SLC66A2: variants seen among roughly 807,000 people sequenced by gnomAD.
The protein encoded by SLC66A2 is solute carrier family 66 member 2, also known as PQ loop repeat containing 1.
In SLC66A2, 23 loss-of-function variants were observed where a neutral mutation model predicts 25.5. The observed-to-expected ratio is 0.90, with a 90% CI of 0.65 to 1.28. The LOEUF is 1.28. Among genes scored for constraint, SLC66A2 ranks in the 50% most tolerant of loss-of-function variants. The pLI is 0.00. For missense variants in SLC66A2, 396 were observed against 373.1 expected (o/e 1.06, Z -0.51); for synonymous variants, 193 against 166.5 (o/e 1.16, Z -1.23).
At chr18:79,924,071 C>CA (rs1568314370) in intron 4 of SLC66A2, among the ~76,000 whole-genome samples, 1 of 151,410 alleles carries the variant, frequency 6.6e-6, no homozygotes, top group Non-Finnish European at 1.5e-5. Context: ...CGAGCTTAAC[C>CA]GTACACGCCA....
intron 5 of SLC66A2, 59 bp downstream of exon 5, chr18:79,919,125 C>T (rs1254363653): frequency 7.5e-6 from 11 of 1,457,014 alleles, no homozygotes; most frequent in East Asian, 2.3e-5. Flanking sequence ...TTTACCAAAT[C>T]TGCAGCCATG....
At position 79,919,285 on chromosome 18, in the gene SLC66A2, C is replaced by T. The variant is rs1170148894; in HGVS notation, c.507G>A (p.Leu169=). 2 of 1,613,244 alleles carry T rather than the reference C, an allele frequency of 1.2e-6. No individual in the cohort carries two copies. The highest frequency in any genetic ancestry group is 2.7e-5 in the African/African-American group (2 of 74,952). The change falls in exon 5 of 6, where the codon CTG becomes CTA. Residue 169 remains leucine (L), a synonymous_variant. Coordinates refer to ENST00000397778, the MANE Select transcript of SLC66A2 (RefSeq NM_025078.5). ...YITYLSIDSA[L]FVETLGFLAV... ...CCAGGAAGCCCAGGGTCTCCACAAA[C>T]AGGGCGGAGTCAATGGACAGGTAGG...
intron 3 of SLC66A2, among the ~76,000 whole-genome samples, chr18:79,934,797 T>C (rs921630123): frequency 1.3e-5 from 2 of 152,088 alleles, no homozygotes; most frequent in African/African-American, 4.8e-5. Context: ...GGATCAAAGG[T>C]TGTGTTTGCC....
At position 79,951,638 on chromosome 18, in the gene SLC66A2, G is replaced by T. The variant is rs962445760; in HGVS notation, c.-157C>A. 1 of 151,630 alleles carries T rather than the reference G, an allele frequency of 6.6e-6. No individual in the cohort carries two copies. The highest frequency in any genetic ancestry group is 2.4e-5 in the African/African-American group (1 of 41,300). The allele number at this position is 151,630 out of a possible 1,614,324, so 9.4% of individuals were successfully genotyped here. ...GTCCCCGCGCCGCTGACCCGCGCGC[G>T]TCTCGGCGTCAGTCCGCTCAGGCGC... On this transcript the variant is annotated 5_prime_UTR_variant, in exon 1 of 6. Transcript: ENST00000397778.
In SLC66A2 at chr18:79,943,347, T is replaced by G; in HGVS notation, c.319A>C (p.Arg107=). ...CACCAACCTGTAAAGGAGCGGCGCCTGGCGTTGAGCTCGTTGGCCACACGG... is the reference window on the plus strand; with the variant it reads ...CACCAACCTGTAAAGGAGCGGCGCCGGGCGTTGAGCTCGTTGGCCACACGG... ...EVRVANELNA[R]RRSFTAADSK... Residue 107 remains arginine (R), a synonymous_variant, in exon 3 of 6, where the codon AGG becomes CGG. Transcript: ENST00000397778. The G allele has an allele frequency of 6.2e-7, 1 of 1,613,984 alleles. No individual in the cohort carries two copies. Among genetic ancestry groups the G allele is most frequent in the Non-Finnish European group, 8.5e-7 (1 of 1,179,932 alleles).
intron 4 of SLC66A2, among the ~76,000 whole-genome samples, chr18:79,926,534 C>T (rs1167016045): frequency 2.6e-5 from 4 of 152,190 alleles, no homozygotes; most frequent in South Asian, 2.1e-4. Context: ...GATGGGCGCT[C>T]GCAGGACGTG....
In SLC66A2 at chr18:79,927,107, G is replaced by A. The variant is rs564149793; in HGVS notation, c.391+6862C>T. On this transcript the variant is annotated intron_variant, in intron 4 of 5. Transcript: ENST00000397778. This position sits in a 1 kb window ranked among gnomAD's most constrained non-coding sequence, Gnocchi z 6.2. The stretch of plus-strand genomic sequence containing the variant: ...GACCTCCTGCAAGCTGCCCTTCAGG[G>A]CAGGTCCCAGCCCTACCTGCTGCGT... Among the ~76,000 whole-genome samples, 1 of 152,346 alleles carries A rather than the reference G, an allele frequency of 6.6e-6. No homozygotes were observed. Among genetic ancestry groups the A allele is most frequent in the East Asian group, 1.9e-4 (1 of 5,190 alleles).
chr18:79,908,757 A>G (rs1172935821), intron 5 of SLC66A2, among the ~76,000 whole-genome samples: 3 of 152,078 alleles, frequency 2.0e-5, no homozygotes, highest in Non-Finnish European at 2.9e-5. Context: ...CAACTTCACT[A>G]TTTCCTCTCA....
chr18:79,945,115 G>C (rs1051156616), intron 2 of SLC66A2: 2 of 152,574 alleles, frequency 1.3e-5, no homozygotes, highest in African/African-American at 4.8e-5. Context: ...CAGGTAAGAA[G>C]GTTCCACTTG....
At chr18:79,922,388 G>A (rs1370175905) in intron 4 of SLC66A2, among the ~76,000 whole-genome samples, 1 of 152,102 alleles carries the variant, frequency 6.6e-6, no homozygotes, top group African/African-American at 2.4e-5. Flanking sequence ...TGGGTTAGGG[G>A]CGCAGCCCCC....
chr18:79,943,662 C>T lies in SLC66A2; in HGVS notation c.204-200G>A, dbSNP rs1987913248. 3 of 565,242 alleles carry T rather than the reference C, an allele frequency of 5.3e-6. No homozygotes were observed. In the East Asian group the frequency reaches 9.8e-5, roughly 18 times the overall value. 35.0% of individuals were successfully genotyped at this position (565,242 alleles called of 1,614,324 possible). A position where few individuals can be genotyped will look rare whatever the true frequency, so the allele number is the denominator to read the frequency against. On this transcript the variant is annotated intron_variant, in intron 2 of 5. Transcript: ENST00000397778. ...AGTCCCGAACCTGCAGCGGGAGACACCTGGGTCAGGAGGGAGGCCCACCCA... is the reference window on the plus strand; with the variant it reads ...AGTCCCGAACCTGCAGCGGGAGACATCTGGGTCAGGAGGGAGGCCCACCCA...
At chr18:79,905,677 C>T (rs963349807) in intron 5 of SLC66A2, among the ~76,000 whole-genome samples, 1 of 152,260 alleles carries the variant, frequency 6.6e-6, no homozygotes, top group African/African-American at 2.4e-5. Context: ...AAACAGAGCT[C>T]GCCTGACCCT....
Position 79,940,445 on chromosome 18 carries a change from A to C in SLC66A2, c.337+2884T>G, listed in dbSNP as rs1987558989. On this transcript the variant is annotated intron_variant, in intron 3 of 5. Coordinates refer to ENST00000397778, the MANE Select transcript of SLC66A2 (RefSeq NM_025078.5). This position sits in a 1 kb window ranked among gnomAD's most constrained non-coding sequence, Gnocchi z 4.1. ...TGTACACTAAACCCCCGTGACAAACAATTTACCTATATAACAAACCTGCAC... is the reference window on the plus strand; with the variant it reads ...TGTACACTAAACCCCCGTGACAAACCATTTACCTATATAACAAACCTGCAC... 6.6e-6 allele frequency among the ~76,000 whole-genome samples: 1 copy of C among 152,070 alleles called. No homozygotes were observed.
chr18:79,922,946 T>C (rs2144807572), intron 4 of SLC66A2, among the ~76,000 whole-genome samples: 1 of 150,258 alleles, frequency 6.7e-6, no homozygotes, highest in South Asian at 2.1e-4. Flanking sequence ...AGGGCAGGGG[T>C]GGCCAGGCTG....
chr18:79,924,682 C>T (rs898376080), intron 4 of SLC66A2, among the ~76,000 whole-genome samples: 1 of 152,134 alleles, frequency 6.6e-6, no homozygotes, highest in Non-Finnish European at 1.5e-5. Context: ...TGTGACTTGT[C>T]TTATACCAAA....
Position 79,920,295 on chromosome 18 carries a change from A to G in SLC66A2, c.392-895T>C, listed in dbSNP as rs77840882. On this transcript the variant is annotated intron_variant, in intron 4 of 5. Transcript: ENST00000397778. Reference sequence around the variant, plus strand: ...GAGACAGGAACCGAGGGAGAGGTCAAGGTCAGTGGGGAGAGACAGGAACCG... The same window carrying G: ...GAGACAGGAACCGAGGGAGAGGTCAGGGTCAGTGGGGAGAGACAGGAACCG... 4.7e-4 allele frequency among the ~76,000 whole-genome samples: 4 copies of G among 8,464 alleles called. 1 individual carries two copies. Among genetic ancestry groups the G allele is most frequent in the East Asian group, 0.023 (2 of 86 alleles). 5.6% of individuals were successfully genotyped at this position (8,464 alleles called of 152,430 possible).
rs13838 is a variant in SLC66A2, at chr18:79,903,409, C to T, written c.*567G>A. ...AGGAAACACCGACTGTCAGAAAACC[C>T]GGAGCACGGTGACCCTGCGTCCGCA... is the stretch of plus-strand genomic sequence containing the variant. On this transcript the variant is annotated 3_prime_UTR_variant, in exon 6 of 6. Coordinates refer to ENST00000397778, the MANE Select transcript of SLC66A2 (RefSeq NM_025078.5). 1.3e-3 allele frequency: 197 copies of T among 153,236 alleles called. 1 individual carries two copies. The highest frequency in any genetic ancestry group is 2.1e-3 in the Non-Finnish European group (144 of 68,780). The allele number at this position is 153,236 out of a possible 1,614,324, so 9.5% of individuals were successfully genotyped here. A position where few individuals can be genotyped will look rare whatever the true frequency, so the allele number is the denominator to read the frequency against.
At chr18:79,909,004 G>A (rs1399484826) in intron 5 of SLC66A2, among the ~76,000 whole-genome samples, 4 of 152,114 alleles carry the variant, frequency 2.6e-5, no homozygotes, top group Admixed American at 6.5e-5. Flanking sequence ...TGTCATTTCC[G>A]TTGGCAGCTG....
At chr18:79,942,109 A>T (rs1177986185) in intron 3 of SLC66A2, among the ~76,000 whole-genome samples, 1 of 152,248 alleles carries the variant, frequency 6.6e-6, no homozygotes, top group African/African-American at 2.4e-5. Context: ...GTAAAACCGC[A>T]GCTCCTCATG....
Sources: gnomAD v4.1 joint callset for allele counts (sites outside exome capture counted in the v4.1 genomes callset) on GRCh38, gnomAD v4.1.1 for gene constraint, Gnocchi (gnomAD v3.1) non-coding constraint, MANE v1.5 for transcripts, NCBI Gene and HGNC (gene_info 2026-07-23, HGNC 2026-07-21) for gene names.